The following GPC6 variants were observed in gnomAD, a reference collection of about 807,000 sequenced individuals.
The protein encoded by GPC6 is glypican-6.
A neutral mutation model predicts 55.2 loss-of-function variants in GPC6; 14 were observed. The ratio of observed to expected loss-of-function variants is 0.25; its 90% CI spans 0.17 to 0.40. The LOEUF (loss-of-function observed/expected upper bound fraction) is 0.40. GPC6 is among the 10% of genes least tolerant of loss of function. The pLI is 1.00. For synonymous variants in GPC6, 278 were observed against 259.6 expected, an observed-to-expected ratio of 1.07 and a Z score of -0.68; for missense variants, 641 against 708.5, an observed-to-expected ratio of 0.90 and a Z score of 1.08.
chr13:93,426,475 G>A (rs1442871803), intron 1 of GPC6, among the ~76,000 whole-genome samples: 1 of 45,396 alleles, frequency 2.2e-5, no homozygotes, highest in Non-Finnish European at 6.0e-5. Flanking sequence ...CTATGAGTGA[G>A]AATATGCAGT....
At chr13:93,533,837 C>A (rs1200872010) in intron 1 of GPC6, among the ~76,000 whole-genome samples, 1 of 151,998 alleles carries the variant, frequency 6.6e-6, no homozygotes, top group African/African-American at 2.4e-5. Flanking sequence ...AGAGAGAAAT[C>A]TTCCAAGGAT....
Position 93,411,173 on chromosome 13 carries a change from G to A in GPC6, c.161-134090G>A, listed in dbSNP as rs143647773. On this transcript the variant is annotated intron_variant, in intron 1 of 8. Coordinates refer to ENST00000377047, the MANE Select transcript of GPC6 (RefSeq NM_005708.5). ...CCCATTTCTTGATAGTCAAGTTGAA[G>A]CACAGAGATTAATCCATCTGCTAAT... Among the ~76,000 whole-genome samples the A allele has an allele frequency of 7.0e-3, 1,065 of 152,294 alleles. 15 individuals are homozygous for A. Among genetic ancestry groups the A allele is most frequent in the African/African-American group, 0.02 (817 of 41,564 alleles).
chr13:94,191,826 A>G (rs551845433), intron 4 of GPC6, among the ~76,000 whole-genome samples: 4 of 152,316 alleles, frequency 2.6e-5, no homozygotes, highest in Admixed American at 2.6e-4. Flanking sequence ...GGTAACAAAT[A>G]GAGTGGCTAT....
At chr13:93,502,066 G>A (rs1234823396) in intron 1 of GPC6, among the ~76,000 whole-genome samples, 1 of 151,976 alleles carries the variant, frequency 6.6e-6, no homozygotes, top group African/African-American at 2.4e-5. Context: ...ATAGACCCAG[G>A]CACATTTAAA....
chr13:93,357,486 T>C (rs1391153049), intron 1 of GPC6, among the ~76,000 whole-genome samples: 7 of 152,206 alleles, frequency 4.6e-5, no homozygotes, highest in Admixed American at 3.3e-4. Context: ...TCCATCTCCA[T>C]GGATAGATAA....
At chr13:93,514,076 G>T (rs1881090500) in intron 1 of GPC6, among the ~76,000 whole-genome samples, 1 of 151,922 alleles carries the variant, frequency 6.6e-6, no homozygotes, top group African/African-American at 2.4e-5. Flanking sequence ...GTTTCACCGT[G>T]TTGGCCAGGC....
chr13:93,386,420 A>C (rs1464429217), intron 1 of GPC6, among the ~76,000 whole-genome samples: 2 of 152,194 alleles, frequency 1.3e-5, no homozygotes, highest in Non-Finnish European at 2.9e-5. Context: ...TTATGGAAGA[A>C]GCATGGCCCA....
chr13:93,743,418 A>G (rs1057172948), intron 2 of GPC6, among the ~76,000 whole-genome samples: 9 of 152,232 alleles, frequency 5.9e-5, no homozygotes, highest in African/African-American at 2.2e-4. Flanking sequence ...AAAATAACAA[A>G]TCACTAAATG....
chr13:93,821,986 C>T (rs1887061378), intron 2 of GPC6, among the ~76,000 whole-genome samples: 1 of 150,504 alleles, frequency 6.6e-6, no homozygotes, highest in Non-Finnish European at 1.5e-5. Flanking sequence ...TGAATGTAGT[C>T]ACGTATATGT....
chr13:93,635,006 AC>A (rs1347533377), intron 2 of GPC6, among the ~76,000 whole-genome samples: 2 of 152,130 alleles, frequency 1.3e-5, no homozygotes, highest in Non-Finnish European at 2.9e-5. Flanking sequence ...TTAGATCACC[AC>A]TAACTCAGTA....
chr13:93,308,924 T>C (rs1878968297), intron 1 of GPC6, among the ~76,000 whole-genome samples: 1 of 152,234 alleles, frequency 6.6e-6, no homozygotes, highest in African/African-American at 2.4e-5. Flanking sequence ...GAATAATTTA[T>C]CCTCTTAAAC....
At chr13:93,942,522 A>G (rs977084398) in intron 3 of GPC6, among the ~76,000 whole-genome samples, 3 of 152,152 alleles carry the variant, frequency 2.0e-5, no homozygotes, top group African/African-American at 7.2e-5. Context: ...GGTTTTTGCC[A>G]TGTTGACCAG....
chr13:93,544,672 C>T (rs149115620), intron 1 of GPC6, among the ~76,000 whole-genome samples: 9 of 152,260 alleles, frequency 5.9e-5, no homozygotes, highest in African/African-American at 1.4e-4. Flanking sequence ...TTCCTTATAA[C>T]GTAAGCATTA....
At chr13:94,108,237 A>G (rs544466647) in intron 4 of GPC6, among the ~76,000 whole-genome samples, 4 of 152,290 alleles carry the variant, frequency 2.6e-5, no homozygotes, top group African/African-American at 9.6e-5. Context: ...TAGCATTCAC[A>G]GCAACCTGGA....
In GPC6 at chr13:94,207,821, T is replaced by A. The variant is rs557601622; in HGVS notation, c.878-78528T>A. 2.0e-4 allele frequency among the ~76,000 whole-genome samples: 31 copies of A among 152,318 alleles called. No homozygotes were observed. The South Asian group carries it at 4.3e-3, about 21-fold the overall frequency. ...GCAAACTGTTGTTCTCTTAGGGGCT[T>A]CAACTTGCTCTTCTGTAAGCAGAAA... On this transcript the variant is annotated intron_variant, in intron 4 of 8. Transcript: ENST00000377047.
intron 4 of GPC6, among the ~76,000 whole-genome samples, chr13:94,246,992 C>T (rs973253132): frequency 2.0e-5 from 3 of 151,908 alleles, no homozygotes; most frequent in South Asian, 2.1e-4. Flanking sequence ...CCATGAGCAT[C>T]GAATATCTTT....
At chr13:94,277,361 T>C (rs961102439) in intron 4 of GPC6, among the ~76,000 whole-genome samples, 1 of 152,286 alleles carries the variant, frequency 6.6e-6, no homozygotes, top group Admixed American at 6.5e-5. Flanking sequence ...TTGCAAAATT[T>C]TTCTCCCATT....
intron 2 of GPC6, among the ~76,000 whole-genome samples, chr13:93,776,632 A>G (rs1384794845): frequency 6.6e-6 from 1 of 152,174 alleles, no homozygotes; most frequent in Non-Finnish European, 1.5e-5. Flanking sequence ...AAGAAAGAAT[A>G]TATTTTCTTT....
At chr13:93,935,039 T>C (rs1160803663) in intron 3 of GPC6, among the ~76,000 whole-genome samples, 2 of 152,204 alleles carry the variant, frequency 1.3e-5, no homozygotes, top group African/African-American at 4.8e-5. Context: ...CATTAGTTGG[T>C]GGAAATCTGC....
Sources: allele counts gnomAD v4.1 joint callset (sites outside exome capture counted in the v4.1 genomes callset), GRCh38; gene constraint gnomAD v4.1.1; transcripts MANE v1.5; gene names NCBI Gene and HGNC (gene_info 2026-07-23, HGNC 2026-07-21).